The following WWP1 variants were observed in gnomAD, a reference collection of about 807,000 sequenced individuals.
WWP1 encodes NEDD4-like E3 ubiquitin-protein ligase WWP1.
WWP1 carries 49 observed loss-of-function variants against 130.6 expected under a neutral mutation model. The ratio of observed to expected loss-of-function variants is 0.38; its 90% CI spans 0.30 to 0.48. WWP1 has a LOEUF of 0.48. Ranked by LOEUF, WWP1 falls within the 20% of genes least tolerant of loss-of-function variation. The pLI is 0.99. For synonymous variants in WWP1, 332 were observed against 367.8 expected (o/e 0.90, Z 1.11); for missense variants, 809 against 1,100.6 (o/e 0.74, Z 3.75).
chr8:86,443,181 T>G (rs573979998), intron 18 of WWP1, among the ~76,000 whole-genome samples: 75 of 152,212 alleles, frequency 4.9e-4, no homozygotes, highest in Admixed American at 8.5e-4. Flanking sequence ...CAAACGATCC[T>G]CCCACCTCAG....
chr8:86,343,060 G>A (rs1822315872), intron 1 of WWP1, 130 bp downstream of exon 1: 2 of 291,582 alleles, frequency 6.9e-6, no homozygotes, highest in Admixed American at 1.0e-4. Context: ...CCTAGGACCC[G>A]TCGGGGGACG....
chr8:86,433,482 G>A (rs988024627), intron 14 of WWP1, among the ~76,000 whole-genome samples: 1 of 151,730 alleles, frequency 6.6e-6, no homozygotes, highest in Non-Finnish European at 1.5e-5. Context: ...GGGAGGTTGA[G>A]GCGGGTAGAT....
chr8:86,362,177 T>TACTAGGC, intron 1 of WWP1, among the ~76,000 whole-genome samples: 1 of 123,666 alleles, frequency 8.1e-6, no homozygotes, highest in African/African-American at 3.2e-5. Flanking sequence ...TATATATATA[T>TACTAGGC]ATATATATAT....
At position 86,414,750 on chromosome 8, in the gene WWP1, C is replaced by T. The variant is rs187698900; in HGVS notation, c.1061+2876C>T. On this transcript the variant is annotated intron_variant, in intron 9 of 24. Transcript: ENST00000517970. ...TTTACTCTCCACATTTTTTAATTCACTTTATATAGAGATATGTAGATGAAA... is the reference window on the plus strand; with the variant it reads ...TTTACTCTCCACATTTTTTAATTCATTTTATATAGAGATATGTAGATGAAA... Among the ~76,000 whole-genome samples the T allele has an allele frequency of 3.6e-3, 555 of 152,178 alleles. 5 individuals carry two copies. The highest frequency in any genetic ancestry group is 6.5e-3 in the Non-Finnish European group (443 of 68,008).
At chr8:86,413,841 G>A (rs535040080) in intron 9 of WWP1, among the ~76,000 whole-genome samples, 1 of 152,312 alleles carries the variant, frequency 6.6e-6, no homozygotes, top group South Asian at 2.1e-4. Context: ...TAAAGCAGGG[G>A]AGTGGCATAA....
chr8:86,450,055 AC>A (rs1338266128), intron 20 of WWP1, among the ~76,000 whole-genome samples: 1 of 152,196 alleles, frequency 6.6e-6, no homozygotes. Flanking sequence ...AAGTGAAGTT[AC>A]TGGGTCAAAA....
chr8:86,433,959 T>A (rs1810140913), intron 14 of WWP1, among the ~76,000 whole-genome samples: 1 of 151,986 alleles, frequency 6.6e-6, no homozygotes, highest in African/African-American at 2.4e-5. Context: ...AACTCCTCTA[T>A]CTCTCCTACC....
intron 10 of WWP1, among the ~76,000 whole-genome samples, chr8:86,426,735 A>C (rs1421340420): frequency 1.3e-5 from 2 of 152,216 alleles, no homozygotes; most frequent in Non-Finnish European, 2.9e-5. Flanking sequence ...AATTGGCAGC[A>C]ATATAATGGC....
chr8:86,386,437 C>G (rs1825292216), intron 5 of WWP1, among the ~76,000 whole-genome samples: 1 of 117,028 alleles, frequency 8.5e-6, no homozygotes, highest in Non-Finnish European at 1.6e-5. Flanking sequence ...ATATAGCAGG[C>G]TGTTCTCTCC....
At chr8:86,461,479 C>G (rs1041340130) in intron 23 of WWP1, 159 bp downstream of exon 23, 1 of 672,276 alleles carries the variant, frequency 1.5e-6, no homozygotes, top group African/African-American at 1.8e-5. Flanking sequence ...TATCAAAGCA[C>G]TTGTAAGACA....
intron 18 of WWP1, among the ~76,000 whole-genome samples, chr8:86,443,132 G>T (rs1242615174): frequency 6.6e-6 from 1 of 151,984 alleles, no homozygotes; most frequent in Non-Finnish European, 1.5e-5. Context: ...GAGTGCAGTG[G>T]TGTGATCTCA....
At chr8:86,455,136 A>G (rs181899965) in intron 21 of WWP1, among the ~76,000 whole-genome samples, 5 of 152,186 alleles carry the variant, frequency 3.3e-5, no homozygotes, top group Admixed American at 6.5e-5. Context: ...GTCATTCTTT[A>G]TGAAAACTCT....
intron 18 of WWP1, among the ~76,000 whole-genome samples, chr8:86,446,110 T>A (rs1045725494): frequency 1.4e-5 from 2 of 147,550 alleles, no homozygotes; most frequent in African/African-American, 5.0e-5. Context: ...ACCTCCTGAG[T>A]AGCTGGGACC....
At chr8:86,397,336 CA>C (rs1171816027) in intron 5 of WWP1, among the ~76,000 whole-genome samples, 2 of 152,068 alleles carry the variant, frequency 1.3e-5, no homozygotes, top group Admixed American at 6.5e-5. Flanking sequence ...TATAAATTGA[CA>C]AATTATAGTT....
intron 1 of WWP1, among the ~76,000 whole-genome samples, chr8:86,353,597 A>G (rs1308710143): frequency 1.3e-5 from 2 of 151,992 alleles, no homozygotes; most frequent in African/African-American, 4.8e-5. Context: ...GGTTCACGCA[A>G]TTCTCCTGCC....
intron 1 of WWP1, among the ~76,000 whole-genome samples, chr8:86,349,352 A>G (rs1822783060): frequency 6.6e-6 from 1 of 152,234 alleles, no homozygotes; most frequent in African/African-American, 2.4e-5. Flanking sequence ...TAGACTTGTA[A>G]GGGATACAGT....
intron 3 of WWP1, among the ~76,000 whole-genome samples, chr8:86,378,736 C>G (rs1824813306): frequency 6.6e-6 from 1 of 151,838 alleles, no homozygotes. Flanking sequence ...CTTACCTTAC[C>G]CTCTAGTATT....
chr8:86,455,200 TCAA>T (rs766966967), intron 21 of WWP1, among the ~76,000 whole-genome samples: 2 of 152,006 alleles, frequency 1.3e-5, no homozygotes, highest in Non-Finnish European at 2.9e-5. Flanking sequence ...GGAATCATCA[TCAA>T]CAACAAAAAA....
In WWP1 at chr8:86,436,123, A is replaced by G. The variant is rs149658848; in HGVS notation, c.1749+419A>G. On this transcript the variant is annotated intron_variant, in intron 16 of 24. Coordinates refer to ENST00000517970, the MANE Select transcript of WWP1 (RefSeq NM_007013.4). ...TTCGTCCTCACAGCATCCCTTTGAG[A>G]TAGCACTTATTGTATCTCCATGTTA... 3.1e-3 allele frequency among the ~76,000 whole-genome samples: 470 copies of G among 152,296 alleles called. 2 individuals carry two copies. Among genetic ancestry groups the G allele is most frequent in the African/African-American group, 0.011 (448 of 41,558 alleles).
Sources: allele counts gnomAD v4.1 joint callset (sites outside exome capture counted in the v4.1 genomes callset), GRCh38; gene constraint gnomAD v4.1.1; transcripts MANE v1.5; gene names NCBI Gene and HGNC (gene_info 2026-07-23, HGNC 2026-07-21).